RGS6: variants seen among roughly 807,000 people sequenced by gnomAD.
RGS6 encodes the protein regulator of G protein signaling 6.
In RGS6, 30 loss-of-function variants were observed where a neutral mutation model predicts 78.5. That is an observed-to-expected ratio of 0.38 (90% CI 0.29 to 0.52). The LOEUF is 0.52. Ranked by LOEUF, RGS6 falls within the 20% of genes least tolerant of loss-of-function variation. The pLI is 0.85. For missense variants in RGS6, 495 were observed against 609.7 expected, an observed-to-expected ratio of 0.81 and a Z score of 1.98; for synonymous variants, 206 against 206.0, an observed-to-expected ratio of 1.00 and a Z score of 0.00.
intron 2 of RGS6, among the ~76,000 whole-genome samples, chr14:71,968,679 C>T (rs1431153391): frequency 6.6e-6 from 1 of 152,170 alleles, no homozygotes; most frequent in African/African-American, 2.4e-5. Context: ...ATGCGACTAC[C>T]ATGTTATCAA....
chr14:71,912,210 C>T, the RGS6 span, among the ~76,000 whole-genome samples: 4 of 152,150 alleles, frequency 2.6e-5, 1 homozygote, highest in South Asian at 8.3e-4. Context: ...TTTTGCTGAA[C>T]TCTGAGGAAA....
chr14:72,195,784 T>C (rs1246905217), intron 2 of RGS6, among the ~76,000 whole-genome samples: 1 of 152,210 alleles, frequency 6.6e-6, no homozygotes, highest in Non-Finnish European at 1.5e-5. Context: ...CCTCTCCCTG[T>C]GTGCCCACGG....
chr14:72,141,687 G>T (rs2096541514), intron 2 of RGS6, among the ~76,000 whole-genome samples: 1 of 152,000 alleles, frequency 6.6e-6, no homozygotes, highest in African/African-American at 2.4e-5. Flanking sequence ...CCTTTGCCTG[G>T]TGCACTCTTT....
the RGS6 span, among the ~76,000 whole-genome samples, chr14:71,919,289 T>G: frequency 3.3e-5 from 5 of 152,164 alleles, no homozygotes; most frequent in Admixed American, 3.3e-4. Flanking sequence ...CTACTCTTAT[T>G]CTTTACAACA....
chr14:72,434,871 A>G (rs984293571), intron 3 of RGS6, among the ~76,000 whole-genome samples: 2 of 151,874 alleles, frequency 1.3e-5, no homozygotes, highest in East Asian at 1.9e-4. Context: ...CTGATGATCT[A>G]TCTGCAATCT....
In RGS6 at chr14:71,955,470, A is replaced by G. The variant is rs57027270; in HGVS notation, c.-20-9302A>G. On this transcript the variant is annotated intron_variant, in intron 1 of 17. Transcript: ENST00000553525. ...AAAGTAGAGGAATTAAAGAATGGCT[A>G]CTCCATAGATAGAGCAGCCCTGAGG... Among the ~76,000 whole-genome samples, 4,718 of 152,124 alleles carry G rather than the reference A, an allele frequency of 0.031. 380 individuals are homozygous for G. In the East Asian group the frequency reaches 0.34, roughly 11 times the overall value.
chr14:72,548,465 G>C (rs907211304), intron 17 of RGS6, among the ~76,000 whole-genome samples: 2 of 151,922 alleles, frequency 1.3e-5, no homozygotes, highest in Non-Finnish European at 2.9e-5. Context: ...TGTAATTGAC[G>C]ATAAGCTTAG....
intron 2 of RGS6, among the ~76,000 whole-genome samples, chr14:72,064,932 A>G (rs1055524761): frequency 6.6e-6 from 1 of 152,230 alleles, no homozygotes; most frequent in Admixed American, 6.5e-5. Flanking sequence ...ACCCATGTAA[A>G]TATAATGTCA....
intron 2 of RGS6, among the ~76,000 whole-genome samples, chr14:72,058,851 TACC>T (rs2093750746): frequency 6.6e-6 from 1 of 152,210 alleles, no homozygotes; most frequent in Non-Finnish European, 1.5e-5. Flanking sequence ...ACCCAGGGCC[TACC>T]ATCAAATAAG....
At chr14:72,387,001 T>A (rs1400007012) in intron 3 of RGS6, among the ~76,000 whole-genome samples, 2 of 152,082 alleles carry the variant, frequency 1.3e-5, no homozygotes, top group Non-Finnish European at 2.9e-5. Flanking sequence ...GTGAGGGTGG[T>A]TTACACAGCT....
At chr14:72,194,324 A>C (rs954411470) in intron 2 of RGS6, among the ~76,000 whole-genome samples, 1 of 152,192 alleles carries the variant, frequency 6.6e-6, no homozygotes, top group Non-Finnish European at 1.5e-5. Flanking sequence ...CGGTAAACAG[A>C]ATAGTCAAAG....
At chr14:71,912,132 G>A in the RGS6 span, among the ~76,000 whole-genome samples, 13 of 152,188 alleles carry the variant, frequency 8.5e-5, no homozygotes, top group African/African-American at 2.7e-4. Flanking sequence ...AGAAAGAAAT[G>A]CTGGTAGGTG....
chr14:72,543,142 T>TAAAC (rs145606893), intron 17 of RGS6, among the ~76,000 whole-genome samples: 5,503 of 152,302 alleles, frequency 0.036, 164 homozygotes, highest in East Asian at 0.092. Context: ...GGTTCTGAAC[T>TAAAC]AAACATGACT....
intron 2 of RGS6, among the ~76,000 whole-genome samples, chr14:72,095,069 G>A (rs968900593): frequency 6.6e-6 from 1 of 152,000 alleles, no homozygotes; most frequent in Non-Finnish European, 1.5e-5. Context: ...CTTTCTCAGT[G>A]TGAATGTGTC....
intron 2 of RGS6, among the ~76,000 whole-genome samples, chr14:72,211,242 A>C (rs1430995590): frequency 1.3e-5 from 2 of 152,228 alleles, no homozygotes; most frequent in Non-Finnish European, 2.9e-5. Flanking sequence ...GAAGCCAAGG[A>C]AAGTGTTTTA....
chr14:72,459,980 A>G (rs1292527632), intron 6 of RGS6, among the ~76,000 whole-genome samples: 1 of 152,150 alleles, frequency 6.6e-6, no homozygotes. Context: ...TCCCACAGCA[A>G]CACTATCAGA....
chr14:71,887,921 A>T, the RGS6 span, among the ~76,000 whole-genome samples: 57 of 152,078 alleles, frequency 3.7e-4, no homozygotes, highest in South Asian at 2.3e-3. Context: ...GTACCTACTC[A>T]CTGTTCTTAC....
Position 71,964,824 on chromosome 14 carries a change from G to T in RGS6, c.33G>T (p.Val11=). The T allele has an allele frequency of 1.9e-6, 3 of 1,613,784 alleles. No homozygotes were observed. Among genetic ancestry groups the T allele is most frequent in the Non-Finnish European group, 2.5e-6 (3 of 1,179,924 alleles). The part of the protein sequence containing the change: MAQGSGDQRA[V]GVADPEESSP... ...AAGGATCCGGGGATCAAAGAGCAGT[G>T]GGGGTTGCTGACCCAGAGGAGAGTT... is the stretch of plus-strand genomic sequence containing the variant. Residue 11 remains valine, a synonymous_variant, in exon 2 of 18, where the codon GTG becomes GTT. Coordinates refer to ENST00000553525, the MANE Select transcript of RGS6 (RefSeq NM_001204424.2).
the RGS6 span, chr14:72,594,888 C>A: frequency 2.6e-5 from 4 of 152,176 alleles, no homozygotes; most frequent in Non-Finnish European, 5.9e-5. Context: ...CTGCCTTGGA[C>A]TCAGTCTCTG....
Sources: gnomAD v4.1 joint callset for allele counts (sites outside exome capture counted in the v4.1 genomes callset) on GRCh38, gnomAD v4.1.1 for gene constraint, MANE v1.5 for transcripts, NCBI Gene and HGNC (gene_info 2026-07-23, HGNC 2026-07-21) for gene names.